TMEM87B: variants seen among roughly 807,000 people sequenced by gnomAD.
TMEM87B encodes transmembrane protein 87B.
A neutral mutation model predicts 80.3 loss-of-function variants in TMEM87B; 83 were observed. That is an observed-to-expected ratio of 1.03 (90% CI 0.87 to 1.24). TMEM87B has a LOEUF of 1.24. Among genes scored for constraint, TMEM87B ranks in the 50% most tolerant of loss-of-function variants. The probability of loss-of-function intolerance (pLI) is 0.00; values close to 1 mark genes in which losing one functional copy is unlikely to be tolerated. For missense variants in TMEM87B, 625 were observed against 674.4 expected (o/e 0.93, Z 0.81); for synonymous variants, 219 against 230.5 (o/e 0.95, Z 0.45).
chr2:112,071,556 C>T (rs1031647974), intron 4 of TMEM87B, among the ~76,000 whole-genome samples: 3 of 152,090 alleles, frequency 2.0e-5, no homozygotes, highest in Non-Finnish European at 4.4e-5. Flanking sequence ...ATCCTGCTGC[C>T]TTGGCCTCCC....
At chr2:112,102,427 C>T (rs2104500384) in intron 15 of TMEM87B, among the ~76,000 whole-genome samples, 1 of 152,346 alleles carries the variant, frequency 6.6e-6, no homozygotes, top group African/African-American at 2.4e-5. Context: ...GGTGCGGTGG[C>T]TCATGCCTGT....
In TMEM87B at chr2:112,115,804, T is replaced by A. The variant is rs549705913; in HGVS notation, c.1609-280T>A. 3.3e-5 allele frequency among the ~76,000 whole-genome samples: 5 copies of A among 152,260 alleles called. No homozygotes were observed. The East Asian group carries it at 9.7e-4, about 29-fold the overall frequency. Reference sequence around the variant, plus strand: ...ATGGATTATATGGTTATTTTTTAATTTTTAAATTTTTTATAAGGATGAGGT... The same window carrying A: ...ATGGATTATATGGTTATTTTTTAATATTTAAATTTTTTATAAGGATGAGGT... On this transcript the variant is annotated intron_variant, in intron 18 of 18. Coordinates refer to ENST00000283206, the MANE Select transcript of TMEM87B (RefSeq NM_032824.3).
intron 4 of TMEM87B, among the ~76,000 whole-genome samples, chr2:112,070,315 A>G (rs1678584077): frequency 1.3e-5 from 2 of 152,210 alleles, no homozygotes; most frequent in African/African-American, 2.4e-5. Flanking sequence ...TAAGTTTTAC[A>G]TTTAACTCTT....
intron 15 of TMEM87B, among the ~76,000 whole-genome samples, chr2:112,101,356 A>G (rs1472353463): frequency 6.6e-6 from 1 of 152,218 alleles, no homozygotes; most frequent in Non-Finnish European, 1.5e-5. Flanking sequence ...CAAATCTAAA[A>G]GTAATTACTT....
intron 1 of TMEM87B, among the ~76,000 whole-genome samples, chr2:112,056,497 A>C (rs763714522): frequency 3.9e-5 from 6 of 152,120 alleles, no homozygotes; most frequent in Non-Finnish European, 8.8e-5. Context: ...TGTGGGAGAG[A>C]TGCAGGGGCA....
At chr2:112,060,967 T>A (rs1217217123) in intron 2 of TMEM87B, among the ~76,000 whole-genome samples, 1 of 152,254 alleles carries the variant, frequency 6.6e-6, no homozygotes, top group Non-Finnish European at 1.5e-5. Context: ...GAGTCTCAGA[T>A]TTTTAAAACT....
At chr2:112,081,913 T>C (rs1679009713) in intron 8 of TMEM87B, among the ~76,000 whole-genome samples, 1 of 152,130 alleles carries the variant, frequency 6.6e-6, no homozygotes. Flanking sequence ...GAAAGGAAAT[T>C]GGCCGCAGGG....
chr2:112,098,210 T>C (rs368742147), intron 13 of TMEM87B, among the ~76,000 whole-genome samples: 1 of 152,184 alleles, frequency 6.6e-6, no homozygotes, highest in East Asian at 1.9e-4. Context: ...AGCTAGTCTC[T>C]AGTGCCATAT....
chr2:112,095,213 G>C (rs12472729), intron 11 of TMEM87B: 3 of 247,554 alleles, frequency 1.2e-5, no homozygotes, highest in South Asian at 2.0e-4. Context: ...TTTTTTTTTT[G>C]CTGTTTTGCT....
chr2:112,064,016 T>TA, intron 2 of TMEM87B, 146 bp from the exon 3 acceptor site: 1 of 624,072 alleles, frequency 1.6e-6, no homozygotes, highest in Non-Finnish European at 2.7e-6. Context: ...TGTCTCACTT[T>TA]ACAGTGACTT....
At chr2:112,066,787 A>G in intron 3 of TMEM87B, 149 bp from the exon 4 acceptor site, 2 of 705,078 alleles carry the variant, frequency 2.8e-6, no homozygotes, top group Non-Finnish European at 2.2e-6. Flanking sequence ...TATTCGAAAC[A>G]GTTTTTATTT....
intron 11 of TMEM87B, among the ~76,000 whole-genome samples, chr2:112,092,375 T>G (rs1573713759): frequency 2.0e-5 from 3 of 152,262 alleles, no homozygotes; most frequent in East Asian, 3.9e-4. Context: ...GGGAGAGCCT[T>G]GGCAGGCGGT....
At chr2:112,097,211 G>A (rs1679496626) in intron 12 of TMEM87B, 22 bp from the exon 13 acceptor site, 1 of 1,605,274 alleles carries the variant, frequency 6.2e-7, no homozygotes, top group African/African-American at 1.3e-5. Flanking sequence ...TTCCTTCAAA[G>A]GTGACTTTTT....
rs1015435022 is a variant in TMEM87B, at chr2:112,055,392, C to G, written c.-200C>G. 2.9e-5 allele frequency: 17 copies of G among 586,604 alleles called. No individual in the cohort carries two copies. The highest frequency in any genetic ancestry group is 2.8e-4 in the African/African-American group (14 of 50,230). The allele number at this position is 586,604 out of a possible 1,614,324, so 36.3% of individuals were successfully genotyped here. On this transcript the variant is annotated 5_prime_UTR_variant, in exon 1 of 19. Transcript: ENST00000283206. ...GCACGCTCGGGCCCGGCTCAGAGCC[C>G]TAAGCCCTGCCTCCCGGTCCTGGCC...
At position 112,055,567 on chromosome 2, in the gene TMEM87B, C is replaced by A; in HGVS notation, c.-25C>A. 2 of 1,473,490 alleles carry A rather than the reference C, an allele frequency of 1.4e-6. No homozygotes were observed. Among genetic ancestry groups the A allele is most frequent in the Admixed American group, 2.3e-5 (1 of 44,272 alleles). The allele number at this position is 1,473,490 out of a possible 1,614,324, so 91.3% of individuals were successfully genotyped here. A position where few individuals can be genotyped will look rare whatever the true frequency, so the allele number is the denominator to read the frequency against. Reference sequence around the variant, plus strand: ...TGCGGGTGTGGCAGGCGTCTCGGAGCGCCAGGTGCAGCTTCCTGGTCAAGA... The same window carrying A: ...TGCGGGTGTGGCAGGCGTCTCGGAGAGCCAGGTGCAGCTTCCTGGTCAAGA... On this transcript the variant is annotated 5_prime_UTR_variant, in exon 1 of 19. Transcript: ENST00000283206.
chr2:112,070,255 A>G (rs567790745), intron 4 of TMEM87B, among the ~76,000 whole-genome samples: 16 of 152,286 alleles, frequency 1.1e-4, no homozygotes, highest in East Asian at 1.9e-4. Flanking sequence ...CACCTGTCCT[A>G]TGTCCAGAAT....
At position 112,060,306 on chromosome 2, in the gene TMEM87B, G is replaced by A. The variant is rs187170169; in HGVS notation, c.226+269G>A. ...AGAGCTTGCAGTGAGCCGAGATCGCGCCACTGCACTCCAGCCTGGGCGACA... is the reference window on the plus strand; with the variant it reads ...AGAGCTTGCAGTGAGCCGAGATCGCACCACTGCACTCCAGCCTGGGCGACA... On this transcript the variant is annotated intron_variant, in intron 2 of 18. Coordinates refer to ENST00000283206, the MANE Select transcript of TMEM87B (RefSeq NM_032824.3). Among the ~76,000 whole-genome samples the A allele has an allele frequency of 1.3e-3, 197 of 151,628 alleles. 1 individual carries two copies. Among genetic ancestry groups the A allele is most frequent in the Non-Finnish European group, 2.4e-3 (164 of 67,896 alleles).
chr2:112,116,236 T>C lies in TMEM87B; in HGVS notation c.*93T>C. The C allele has an allele frequency of 2.8e-6, 3 of 1,090,708 alleles. No individual in the cohort carries two copies. The highest frequency in any genetic ancestry group is 1.3e-6 in the Non-Finnish European group (1 of 753,186). The allele number at this position is 1,090,708 out of a possible 1,614,324, so 67.6% of individuals were successfully genotyped here. A position where few individuals can be genotyped will look rare whatever the true frequency, so the allele number is the denominator to read the frequency against. ...TTGATTTGATATTGCCTAAAAATTT[T>C]TATTGTGTTATCTTGGAAGTCTGTG... On this transcript the variant is annotated 3_prime_UTR_variant, in exon 19 of 19. Coordinates refer to ENST00000283206, the MANE Select transcript of TMEM87B (RefSeq NM_032824.3).
At chr2:112,108,372 T>A (rs944708447) in intron 17 of TMEM87B, among the ~76,000 whole-genome samples, 1 of 152,210 alleles carries the variant, frequency 6.6e-6, no homozygotes, top group Non-Finnish European at 1.5e-5. Flanking sequence ...CTAGCCCCCA[T>A]CTGGTTTCTG....
Sources: allele counts gnomAD v4.1 joint callset (sites outside exome capture counted in the v4.1 genomes callset), GRCh38; gene constraint gnomAD v4.1.1; transcripts MANE v1.5; gene names NCBI Gene and HGNC (gene_info 2026-07-23, HGNC 2026-07-21).